Variants in NEDD4 observed in about 807,000 individuals in gnomAD.
NEDD4 encodes the protein NEDD4 E3 ubiquitin protein ligase, also known as E3 ubiquitin-protein ligase NEDD4.
A neutral mutation model predicts 144.9 loss-of-function variants in NEDD4; 99 were observed. The ratio of observed to expected loss-of-function variants is 0.68; its 90% CI spans 0.58 to 0.81. NEDD4 has a LOEUF of 0.81. NEDD4 is among the 30% of genes least tolerant of loss of function. NEDD4 has a pLI of 0.00. For missense variants in NEDD4, 985 were observed against 1,065.9 expected, an observed-to-expected ratio of 0.92 and a Z score of 1.06; for synonymous variants, 318 against 350.6, an observed-to-expected ratio of 0.91 and a Z score of 1.04.
At chr15:55,859,108 T>A (rs12900655) in intron 11 of NEDD4, among the ~76,000 whole-genome samples, 139,106 of 152,258 alleles carry the variant, frequency 0.91, 63,702 homozygotes, top group East Asian at 0.96. Context: ...TCAGCTCTCA[T>A]TAAATATTTA....
chr15:55,898,721 GA>G (rs1382614407), intron 5 of NEDD4, among the ~76,000 whole-genome samples: 4 of 149,628 alleles, frequency 2.7e-5, no homozygotes, highest in Non-Finnish European at 5.9e-5. Flanking sequence ...ATGCAACTTG[GA>G]CTCCTGGGCT....
chr15:55,854,581 T>C (rs2142017137), intron 12 of NEDD4, among the ~76,000 whole-genome samples: 1 of 152,166 alleles, frequency 6.6e-6, no homozygotes, highest in South Asian at 2.1e-4. Flanking sequence ...ACTGTAGCAA[T>C]AGAGAGCAGA....
intron 24 of NEDD4, among the ~76,000 whole-genome samples, chr15:55,837,508 T>C (rs952327486): frequency 6.6e-6 from 1 of 150,632 alleles, no homozygotes; most frequent in African/African-American, 2.4e-5. Flanking sequence ...AAACAAACAA[T>C]ATGTTATACT....
chr15:55,838,406 G>T, intron 22 of NEDD4, 103 bp downstream of exon 22: 2 of 835,670 alleles, frequency 2.4e-6, no homozygotes, highest in South Asian at 1.6e-5. Flanking sequence ...ACTGGGAAAT[G>T]AATGTAAAAA....
chr15:55,840,805 T>C, intron 19 of NEDD4, 78 bp from the exon 20 acceptor site: 9 of 1,420,210 alleles, frequency 6.3e-6, no homozygotes, highest in Non-Finnish European at 8.7e-6. Context: ...TCTTCCTCCT[T>C]TAAGAGTTGT....
At chr15:55,950,638 A>C (rs1196244295) in intron 4 of NEDD4, among the ~76,000 whole-genome samples, 2 of 152,144 alleles carry the variant, frequency 1.3e-5, no homozygotes, top group Non-Finnish European at 2.9e-5. Context: ...GGGGATTTAG[A>C]GTACAGTGGG....
At chr15:55,974,280 C>T (rs1346856770) in intron 1 of NEDD4, among the ~76,000 whole-genome samples, 2 of 152,118 alleles carry the variant, frequency 1.3e-5, no homozygotes, top group South Asian at 2.1e-4. Flanking sequence ...GTAGTAAAGT[C>T]TCCCAGCAAA....
At chr15:55,891,868 C>T (rs1258168041) in intron 5 of NEDD4, among the ~76,000 whole-genome samples, 1 of 152,066 alleles carries the variant, frequency 6.6e-6, no homozygotes, top group Non-Finnish European at 1.5e-5. Context: ...AAATGTTATG[C>T]TTTAAGAGAA....
In NEDD4 at chr15:55,941,208, T is replaced by C. The variant is rs867303865; in HGVS notation, c.237+10168A>G. On this transcript the variant is annotated intron_variant, in intron 4 of 28. Transcript: ENST00000435532. ...CCTTGGTTTTATTTATTTTCTCTAC[T>C]TTTTGTCCATTTTCTTGTCCATTGA... is the stretch of plus-strand genomic sequence containing the variant. 1.6e-4 allele frequency among the ~76,000 whole-genome samples: 24 copies of C among 152,300 alleles called. No individual in the cohort carries two copies. In the South Asian group the frequency reaches 2.7e-3, roughly 17 times the overall value.
chr15:55,916,119 T>G (rs2036433899), intron 5 of NEDD4: 1 of 1,613,886 alleles, frequency 6.2e-7, no homozygotes, highest in Admixed American at 1.7e-5. Flanking sequence ...CAAGTCATCC[T>G]GGACAAAAGG....
At chr15:55,915,636 G>A (rs2036413574) in intron 5 of NEDD4, 3 of 1,613,536 alleles carry the variant, frequency 1.9e-6, no homozygotes, top group Non-Finnish European at 2.5e-6. Context: ...TGACATTTCT[G>A]GTTTACAATC....
intron 4 of NEDD4, among the ~76,000 whole-genome samples, chr15:55,925,622 ATATAT>A (rs1174509076): frequency 6.6e-6 from 1 of 152,178 alleles, no homozygotes; most frequent in Non-Finnish European, 1.5e-5. Context: ...CGCCTACTAT[ATATAT>A]TATATTGAAC....
Position 55,840,482 on chromosome 15 carries a change from G to A in NEDD4, c.1996C>T (p.His666Tyr), listed in dbSNP as rs756511532. ...ATATCATGAAGGGTTATTGGTTTGT[G>A]AAGCATCATCTTGTAAAATGGGCGG... ...FIRPFYKMML[H>Y]KPITLHDMES... Residue 666 changes from histidine (H) to tyrosine (Y), a missense_variant, in exon 21 of 29, where the codon CAC becomes TAC. By Grantham distance (83) the His-to-Tyr change is moderately conservative. Coordinates refer to ENST00000435532, the MANE Select transcript of NEDD4 (RefSeq NM_006154.4). 1 of 1,613,894 alleles carries A rather than the reference G, an allele frequency of 6.2e-7. No individual in the cohort carries two copies. The highest frequency in any genetic ancestry group is 8.5e-7 in the Non-Finnish European group (1 of 1,179,958).
chr15:55,957,021 GTATT>G (rs1345875902), intron 2 of NEDD4, among the ~76,000 whole-genome samples: 3 of 152,048 alleles, frequency 2.0e-5, no homozygotes, highest in Admixed American at 2.0e-4. Flanking sequence ...ATCTTTTGTT[GTATT>G]TATTTCTAAA....
Position 55,867,762 on chromosome 15 carries a change from A to T in NEDD4, c.507+1817T>A, listed in dbSNP as rs576398860. Among the ~76,000 whole-genome samples, 25 of 152,362 alleles carry T rather than the reference A, an allele frequency of 1.6e-4. 1 individual carries two copies. In the South Asian group the frequency reaches 5.2e-3, roughly 32 times the overall value. On this transcript the variant is annotated intron_variant, in intron 8 of 28. Coordinates refer to ENST00000435532, the MANE Select transcript of NEDD4 (RefSeq NM_006154.4). ...CTATACTCTGTGATTTGAAGAAAAA[A>T]GGTTCTTTCCTGGCTGGGTGCCGTG...
intron 6 of NEDD4, among the ~76,000 whole-genome samples, chr15:55,873,509 C>G (rs1340373071): frequency 6.6e-6 from 1 of 151,778 alleles, no homozygotes; most frequent in African/African-American, 2.4e-5. Flanking sequence ...TTTTCTTAAG[C>G]CTCCATGTCA....
At chr15:55,874,913 G>A (rs2034937157) in intron 5 of NEDD4, among the ~76,000 whole-genome samples, 1 of 152,044 alleles carries the variant, frequency 6.6e-6, no homozygotes, top group Non-Finnish European at 1.5e-5. Flanking sequence ...GGCAGACGTT[G>A]CAGTGAGCCT....
At chr15:55,993,334 C>T (rs1595894464) in intron 1 of NEDD4, among the ~76,000 whole-genome samples, 177 bp downstream of exon 1, 2 of 152,158 alleles carry the variant, frequency 1.3e-5, no homozygotes, top group East Asian at 1.9e-4. Flanking sequence ...CCCCAGCGCC[C>T]GCGCGCCGAG....
chr15:55,829,644 G>A lies in NEDD4; in HGVS notation c.*253C>T. 1 of 367,524 alleles carries A rather than the reference G, an allele frequency of 2.7e-6. No homozygotes were observed. The highest frequency in any genetic ancestry group is 5.0e-6 in the Non-Finnish European group (1 of 201,986). The allele number at this position is 367,524 out of a possible 1,614,324, so 22.8% of individuals were successfully genotyped here. On this transcript the variant is annotated 3_prime_UTR_variant, in exon 29 of 29. Transcript: ENST00000435532. ...TATTGTGTGAACTCTAAAGCCAGGT[G>A]TGGTGGTGCCTGGCTTTAGGCAGGC...
Sources: gnomAD v4.1 joint callset for allele counts (sites outside exome capture counted in the v4.1 genomes callset) on GRCh38, gnomAD v4.1.1 for gene constraint, MANE v1.5 for transcripts, NCBI Gene and HGNC (gene_info 2026-07-23, HGNC 2026-07-21) for gene names.